The following TEX9 variants were observed in gnomAD, a reference collection of about 807,000 sequenced individuals.
The protein encoded by TEX9 is testis-expressed protein 9.
Under a neutral mutation model 59.6 loss-of-function variants are expected in TEX9, and 74 were observed. The ratio of observed to expected loss-of-function variants is 1.24; its 90% CI spans 1.03 to 1.51. The LOEUF (loss-of-function observed/expected upper bound fraction) is 1.51. Ranked by LOEUF, TEX9 falls within the 40% of genes most tolerant of loss-of-function variation. TEX9 has a pLI of 0.00. For synonymous variants in TEX9, 186 were observed against 152.2 expected, an observed-to-expected ratio of 1.22 and a Z score of -1.64; for missense variants, 522 against 447.8, an observed-to-expected ratio of 1.17 and a Z score of -1.49.
At chr15:56,380,988 A>T (rs2047699979) in intron 3 of TEX9, among the ~76,000 whole-genome samples, 1 of 152,158 alleles carries the variant, frequency 6.6e-6, no homozygotes. Context: ...GTTCTCTGAT[A>T]TTATCCCTTC....
intron 1 of TEX9, among the ~76,000 whole-genome samples, chr15:56,339,241 G>A (rs539941416): frequency 1.3e-4 from 19 of 151,318 alleles, no homozygotes; most frequent in Non-Finnish European, 2.8e-4. Context: ...AAATTAGCCG[G>A]GTGTGGTGGT....
rs147261909 is a variant in TEX9 at position 56,381,967 on chromosome 15, G to A, written c.184-1985G>A. 3.3e-5 allele frequency among the ~76,000 whole-genome samples: 5 copies of A among 152,332 alleles called. No individual in the cohort carries two copies. In the East Asian group the frequency reaches 9.7e-4, roughly 29 times the overall value. Reference sequence around the variant, plus strand: ...GGTAGCGAGTTCCCCCAGGCCCTGGGTGGGTCCAGAGATGCTGTCTGGTAG... The same window carrying A: ...GGTAGCGAGTTCCCCCAGGCCCTGGATGGGTCCAGAGATGCTGTCTGGTAG... On this transcript the variant is annotated intron_variant, in intron 3 of 12. Coordinates refer to ENST00000352903, the Ensembl canonical transcript of TEX9.
intron 1 of TEX9, among the ~76,000 whole-genome samples, chr15:56,358,151 T>C (rs181517527): frequency 2.1e-4 from 32 of 152,290 alleles, no homozygotes; most frequent in Admixed American, 7.8e-4. Flanking sequence ...TCCATATTGC[T>C]GTTGATGTAA....
chr15:56,317,530 A>G (rs1362632769), intron 1 of TEX9, among the ~76,000 whole-genome samples: 2 of 151,912 alleles, frequency 1.3e-5, no homozygotes, highest in Non-Finnish European at 2.9e-5. Flanking sequence ...TGTTTTATGT[A>G]TTTCTACTCT....
the TEX9 span, among the ~76,000 whole-genome samples, chr15:56,459,260 G>C: frequency 6.6e-6 from 1 of 152,122 alleles, no homozygotes; most frequent in Admixed American, 6.5e-5. Context: ...ATGTTTTCAA[G>C]GTTCATCCGT....
Position 56,413,174 on chromosome 15 carries a change from T to G in TEX9, c.963+738T>G, listed in dbSNP as rs1236326015. Among the ~76,000 whole-genome samples, 5 of 50,902 alleles carry G rather than the reference T, an allele frequency of 9.8e-5. No individual in the cohort carries two copies. In the Admixed American group the frequency reaches 1.1e-3, roughly 11 times the overall value. The allele number at this position is 50,902 out of a possible 152,430, so 33.4% of individuals were successfully genotyped here. ...GTGATATTACCTATTTAATAATTTT[T>G]AAATTCTATTTAATAATTAAATATT... On this transcript the variant is annotated intron_variant, in intron 10 of 12. Coordinates refer to ENST00000352903, the Ensembl canonical transcript of TEX9.
At chr15:56,393,719 T>A (rs549963300) in intron 7 of TEX9, 1 of 153,492 alleles carries the variant, frequency 6.5e-6, no homozygotes, top group East Asian at 1.9e-4. Context: ...TGTATTTCTT[T>A]GCTTCAAAGA....
intron 1 of TEX9, among the ~76,000 whole-genome samples, chr15:56,310,769 A>G (rs1279853721): frequency 4.6e-5 from 7 of 152,324 alleles, no homozygotes; most frequent in Non-Finnish European, 1.0e-4. Flanking sequence ...AGGGTCAGGG[A>G]GCACAGAACA....
chr15:56,318,745 A>G (rs2045835484), intron 1 of TEX9, among the ~76,000 whole-genome samples: 1 of 152,104 alleles, frequency 6.6e-6, no homozygotes, highest in Non-Finnish European at 1.5e-5. Context: ...AACTTAAGCA[A>G]TCAAGTTCAG....
chr15:56,257,633 A>C (rs2141328182), intron 1 of TEX9, among the ~76,000 whole-genome samples: 1 of 151,724 alleles, frequency 6.6e-6, no homozygotes. Context: ...CCCACTTTTT[A>C]ATCGGGTTGT....
upstream of TEX9, chr15:56,365,371 G>A: frequency 7.1e-6 from 11 of 1,541,356 alleles, no homozygotes; most frequent in Admixed American, 1.9e-5. Context: ...GTAGGCGCCC[G>A]GGCGGGAGGC....
chr15:56,339,398 A>AAAAAAC (rs2046325903), intron 1 of TEX9, among the ~76,000 whole-genome samples: 1 of 64,058 alleles, frequency 1.6e-5, no homozygotes, highest in Non-Finnish European at 4.2e-5. Context: ...AAAAAAAAAA[A>AAAAAAC]AAAAAAAAAA....
chr15:56,402,210 T>C (rs2048825141), intron 9 of TEX9, among the ~76,000 whole-genome samples: 1 of 151,156 alleles, frequency 6.6e-6, no homozygotes, highest in Non-Finnish European at 1.5e-5. Flanking sequence ...TTTTGAATTT[T>C]GTCTATCAAC....
At chr15:56,386,671 A>G (rs78902598) in intron 4 of TEX9, among the ~76,000 whole-genome samples, 2,531 of 152,078 alleles carry the variant, frequency 0.017, 70 homozygotes, top group African/African-American at 0.057. Context: ...TCTATGAAAA[A>G]TAGATATTTA....
At chr15:56,249,822 A>G (rs1596041437) in intron 1 of TEX9, among the ~76,000 whole-genome samples, 1 of 151,528 alleles carries the variant, frequency 6.6e-6, no homozygotes, top group East Asian at 1.9e-4. Context: ...AAAAATTCCC[A>G]TGAGCTGTAG....
chr15:56,280,863 C>G (rs935609353), intron 1 of TEX9, among the ~76,000 whole-genome samples: 1 of 152,194 alleles, frequency 6.6e-6, no homozygotes, highest in African/African-American at 2.4e-5. Context: ...TAACTTACGC[C>G]TAGCATAGAT....
chr15:56,316,744 C>T (rs1376476565), intron 1 of TEX9, among the ~76,000 whole-genome samples: 6 of 152,198 alleles, frequency 3.9e-5, no homozygotes, highest in Non-Finnish European at 8.8e-5. Context: ...CGCCCCTCCC[C>T]CAGCCTCGCT....
At chr15:56,339,503 T>C (rs57753855) in intron 1 of TEX9, among the ~76,000 whole-genome samples, 10,620 of 151,320 alleles carry the variant, frequency 0.07, 1,272 homozygotes, top group African/African-American at 0.24. Flanking sequence ...TCTTCCTGCC[T>C]GCTAGGTATT....
chr15:56,335,346 C>T (rs1246296059), intron 1 of TEX9, among the ~76,000 whole-genome samples: 1 of 152,030 alleles, frequency 6.6e-6, no homozygotes, highest in African/African-American at 2.4e-5. Flanking sequence ...CCATTTGCAA[C>T]AACAAAATGG....
Sources: allele counts gnomAD v4.1 joint callset (sites outside exome capture counted in the v4.1 genomes callset), GRCh38; gene constraint gnomAD v4.1.1; transcripts MANE v1.5; gene names NCBI Gene and HGNC (gene_info 2026-07-23, HGNC 2026-07-21).